Variants in FMNL2 observed in about 807,000 individuals in gnomAD.
The protein encoded by FMNL2 is formin-like protein 2.
FMNL2 carries 51 observed loss-of-function variants against 130.2 expected under a neutral mutation model. The ratio of observed to expected loss-of-function variants is 0.39; its 90% CI spans 0.31 to 0.49. FMNL2 has a LOEUF of 0.49. Ranked by LOEUF, FMNL2 falls within the 20% of genes least tolerant of loss-of-function variation. FMNL2 has a pLI of 0.85. For missense variants in FMNL2, 977 were observed against 1,316.2 expected (o/e 0.74, Z 3.99); for synonymous variants, 465 against 467.1 (o/e 1.00, Z 0.06).
chr2:152,393,101 A>G (rs1202787302), intron 1 of FMNL2, among the ~76,000 whole-genome samples: 6 of 152,162 alleles, frequency 3.9e-5, no homozygotes, highest in African/African-American at 1.4e-4. Flanking sequence ...TCATCTTTGT[A>G]AATAGTCCTT....
intron 1 of FMNL2, among the ~76,000 whole-genome samples, chr2:152,358,451 A>C (rs973237271): frequency 6.6e-6 from 1 of 151,868 alleles, no homozygotes; most frequent in Non-Finnish European, 1.5e-5. Context: ...GGAGTTTGAG[A>C]CCACCCTGGC....
chr2:152,615,424 G>A (rs1037526903), intron 12 of FMNL2, among the ~76,000 whole-genome samples: 10 of 152,318 alleles, frequency 6.6e-5, no homozygotes, highest in Admixed American at 6.5e-4. Flanking sequence ...TGTGATGCAT[G>A]TCTGAACATT....
chr2:152,521,856 G>A (rs1456347969), intron 1 of FMNL2, 87 bp from the exon 2 acceptor site: 10 of 949,542 alleles, frequency 1.1e-5, no homozygotes, highest in Non-Finnish European at 1.5e-5. Context: ...AAACCATAGT[G>A]GTATTATTTG....
At chr2:152,346,064 G>T (rs1432727683) in intron 1 of FMNL2, among the ~76,000 whole-genome samples, 1 of 151,230 alleles carries the variant, frequency 6.6e-6, no homozygotes, top group Non-Finnish European at 1.5e-5. Flanking sequence ...TCACTCTGTT[G>T]CCCACGCTGG....
chr2:152,380,381 A>G (rs1464658448), intron 1 of FMNL2, among the ~76,000 whole-genome samples: 1 of 152,240 alleles, frequency 6.6e-6, no homozygotes, highest in East Asian at 1.9e-4. Context: ...CAAATGATTT[A>G]TCTCTTTCTG....
intron 1 of FMNL2, among the ~76,000 whole-genome samples, chr2:152,516,055 G>A (rs572173016): frequency 2.0e-5 from 3 of 152,144 alleles, no homozygotes; most frequent in African/African-American, 7.2e-5. Flanking sequence ...TGCTTGCACC[G>A]TCTCATTAGA....
intron 1 of FMNL2, chr2:152,390,212 C>G: frequency 1.4e-6 from 2 of 1,442,818 alleles, no homozygotes; most frequent in African/African-American, 2.8e-5. Context: ...GTGTAAACTT[C>G]CGGCTGAAAG....
chr2:152,336,689 T>C (rs1421455705), intron 1 of FMNL2, among the ~76,000 whole-genome samples: 1 of 152,156 alleles, frequency 6.6e-6, no homozygotes, highest in Non-Finnish European at 1.5e-5. Flanking sequence ...TCCCCCAGAC[T>C]ACCAGTTTTA....
intron 1 of FMNL2, among the ~76,000 whole-genome samples, chr2:152,491,928 G>A (rs772990276): frequency 2.6e-5 from 4 of 152,128 alleles, no homozygotes; most frequent in Admixed American, 6.5e-5. Flanking sequence ...TCCAGCCTGG[G>A]CGACAGAGTG....
intron 7 of FMNL2, among the ~76,000 whole-genome samples, chr2:152,577,607 G>A (rs1366939810): frequency 2.0e-5 from 3 of 152,132 alleles, no homozygotes; most frequent in African/African-American, 4.8e-5. Flanking sequence ...AGAAAAGCTG[G>A]CTAGAGAGCC....
At position 152,593,860 on chromosome 2, in the gene FMNL2, A is replaced by AGTGTGT. The variant is rs70974873; in HGVS notation, c.876+12849_876+12854dup. Among the ~76,000 whole-genome samples, 597 of 113,198 alleles carry AGTGTGT rather than the reference A, an allele frequency of 5.3e-3. 2 individuals are homozygous for AGTGTGT. The highest frequency in any genetic ancestry group is 7.1e-3 in the Non-Finnish European group (415 of 58,234). 74.3% of individuals were successfully genotyped at this position (113,198 alleles called of 152,430 possible). ...TAGGGAGAGAGAGAGAGAGAGAGAG[A>AGTGTGT]GTGTGTGTGTGTGTGTGTGTGTGTG... On this transcript the variant is annotated intron_variant, in intron 9 of 25. Coordinates refer to ENST00000288670, the MANE Select transcript of FMNL2 (RefSeq NM_052905.4).
chr2:152,532,671 G>T (rs1033476674), intron 2 of FMNL2, among the ~76,000 whole-genome samples: 1 of 148,982 alleles, frequency 6.7e-6, no homozygotes, highest in African/African-American at 2.5e-5. Context: ...GGAGTGGCAT[G>T]ATCTTGGCTC....
intron 4 of FMNL2, among the ~76,000 whole-genome samples, chr2:152,557,339 C>T (rs1347735466): frequency 6.6e-6 from 1 of 152,176 alleles, no homozygotes; most frequent in Non-Finnish European, 1.5e-5. Flanking sequence ...GCCACCGTTG[C>T]CACTCCAGGT....
intron 1 of FMNL2, among the ~76,000 whole-genome samples, chr2:152,428,819 G>T (rs1394771485): frequency 6.6e-6 from 1 of 152,130 alleles, no homozygotes; most frequent in Non-Finnish European, 1.5e-5. Context: ...GGTAGAAAGT[G>T]TTTCTAGTTA....
At chr2:152,636,114 A>C (rs757386133) in intron 21 of FMNL2, among the ~76,000 whole-genome samples, 6 of 152,226 alleles carry the variant, frequency 3.9e-5, no homozygotes, top group Non-Finnish European at 8.8e-5. Flanking sequence ...TTTAGAGTCC[A>C]CATTTGTTAC....
intron 1 of FMNL2, among the ~76,000 whole-genome samples, chr2:152,470,753 T>C (rs146884626): frequency 9.2e-5 from 14 of 152,320 alleles, no homozygotes; most frequent in African/African-American, 3.4e-4. Flanking sequence ...ATTGTCATGG[T>C]GATATGCAGT....
At position 152,619,601 on chromosome 2, in the gene FMNL2, C is replaced by T; in HGVS notation, c.1720C>T (p.Leu574Phe). ...PPPPPPPPPP[L>F]PGPAAETVPA... ...CCCACCGCCCCCTCCGCCTCCTCCT[C>T]TCCCAGGCCCTGCAGCTGAGACTGT... The change falls in exon 15 of 26, where the codon CTC (leucine) becomes TTC (phenylalanine). Residue 574 changes from leucine to phenylalanine, a missense_variant. By Grantham distance (22) the Leu-to-Phe change is conservative (BLOSUM62 0). This residue lies in a region of FMNL2 where 689 missense variants were observed against 995.9 expected (regional missense o/e 0.69). Coordinates refer to ENST00000288670, the MANE Select transcript of FMNL2 (RefSeq NM_052905.4). 2.5e-6 allele frequency: 4 copies of T among 1,595,324 alleles called. No homozygotes were observed. Among genetic ancestry groups the T allele is most frequent in the Non-Finnish European group, 3.4e-6 (4 of 1,172,338 alleles).
At chr2:152,470,685 T>A (rs1218554868) in intron 1 of FMNL2, among the ~76,000 whole-genome samples, 1 of 152,216 alleles carries the variant, frequency 6.6e-6, no homozygotes, top group Non-Finnish European at 1.5e-5. Context: ...CTAGATCCAC[T>A]TGTAGGCTTA....
chr2:152,492,819 T>G (rs986214304), intron 1 of FMNL2, among the ~76,000 whole-genome samples: 13 of 152,226 alleles, frequency 8.5e-5, no homozygotes, highest in Admixed American at 1.3e-4. Flanking sequence ...GAAATTTGTT[T>G]TAACAAAGAG....
Sources: gnomAD v4.1 joint callset for allele counts (sites outside exome capture counted in the v4.1 genomes callset) on GRCh38, gnomAD v4.1.1 for gene constraint, gnomAD v4.1.1 regional missense constraint, MANE v1.5 for transcripts, NCBI Gene and HGNC (gene_info 2026-07-23, HGNC 2026-07-21) for gene names.